RFPL1: variants seen among roughly 807,000 people sequenced by gnomAD.
The protein encoded by RFPL1 is ret finger protein like 1.
A neutral mutation model predicts 9.6 loss-of-function variants in RFPL1; 6 were observed. The ratio of observed to expected loss-of-function variants is 0.62; its 90% CI spans 0.34 to 1.23. The LOEUF (loss-of-function observed/expected upper bound fraction) is 1.23. Among genes scored for constraint, RFPL1 ranks in the 50% most tolerant of loss-of-function variants. The pLI is 0.03. For synonymous variants in RFPL1, 145 were observed against 149.4 expected, an observed-to-expected ratio of 0.97 and a Z score of 0.22; for missense variants, 352 against 398.4, an observed-to-expected ratio of 0.88 and a Z score of 0.99.
At chr22:29,418,335 T>C in the RFPL1 span, among the ~76,000 whole-genome samples, 41,527 of 151,918 alleles carry the variant, frequency 0.27, 7,867 homozygotes, top group African/African-American at 0.52. Context: ...CTGCTTTAGC[T>C]ATCGGGTGCG....
the RFPL1 span, among the ~76,000 whole-genome samples, chr22:29,428,333 T>TG: frequency 6.6e-6 from 1 of 152,138 alleles, no homozygotes; most frequent in Non-Finnish European, 1.5e-5. Flanking sequence ...TAAATATATA[T>TG]GCACCTAACT....
chr22:29,398,382 C>G, the RFPL1 span, among the ~76,000 whole-genome samples: 1 of 152,166 alleles, frequency 6.6e-6, no homozygotes, highest in East Asian at 1.9e-4. Context: ...TCACCATGTG[C>G]CAGACTCCAC....
chr22:29,439,377 T>A, intron 1 of RFPL1: 1 of 712,450 alleles, frequency 1.4e-6, no homozygotes, highest in Non-Finnish European at 2.3e-6. Flanking sequence ...CTCATGCCTG[T>A]AATGTCAGCA....
At chr22:29,410,250 A>C in the RFPL1 span, among the ~76,000 whole-genome samples, 1 of 136,496 alleles carries the variant, frequency 7.3e-6, no homozygotes, top group African/African-American at 2.7e-5. Flanking sequence ...TAGTAGATAT[A>C]TATTTGTAGA....
At chr22:29,432,390 C>T in the RFPL1 span, among the ~76,000 whole-genome samples, 1 of 152,164 alleles carries the variant, frequency 6.6e-6, no homozygotes, top group Non-Finnish European at 1.5e-5. Context: ...TGTTTGTTTT[C>T]CTGTAACCAT....
chr22:29,442,324 CT>C, exon 2 of RFPL1: 2 of 418,000 alleles, frequency 4.8e-6, no homozygotes, highest in Non-Finnish European at 8.5e-6. Context: ...CTCATTGAGT[CT>C]TATGGTTCAC....
chr22:29,441,359 CA>C (rs1262784833), intron 1 of RFPL1, 182 bp from the exon 2 acceptor site: 2 of 671,060 alleles, frequency 3.0e-6, no homozygotes, highest in African/African-American at 3.6e-5. Flanking sequence ...TGGGTATTGC[CA>C]CAAAGCATAC....
the RFPL1 span, among the ~76,000 whole-genome samples, chr22:29,397,847 C>T: frequency 6.6e-6 from 1 of 152,266 alleles, no homozygotes; most frequent in East Asian, 1.9e-4. Flanking sequence ...CTTCATGACA[C>T]CCAGACTCTC....
At chr22:29,399,030 T>A in the RFPL1 span, among the ~76,000 whole-genome samples, 1 of 152,226 alleles carries the variant, frequency 6.6e-6, no homozygotes, top group Non-Finnish European at 1.5e-5. Flanking sequence ...TTACAAAGTG[T>A]GTGTCACGTG....
upstream of RFPL1, chr22:29,437,553 A>C (rs1282441217): frequency 1.4e-6 from 2 of 1,480,342 alleles, no homozygotes; most frequent in African/African-American, 2.8e-5. Flanking sequence ...TCACCAGTAA[A>C]AACCTAATTC....
the RFPL1 span, among the ~76,000 whole-genome samples, chr22:29,400,185 A>T: frequency 6.6e-6 from 1 of 151,664 alleles, no homozygotes; most frequent in Non-Finnish European, 1.5e-5. Flanking sequence ...TTTAGTAGAG[A>T]CGGGGTTTCA....
chr22:29,429,093 T>C, the RFPL1 span, among the ~76,000 whole-genome samples: 2 of 152,134 alleles, frequency 1.3e-5, no homozygotes, highest in Non-Finnish European at 2.9e-5. Flanking sequence ...TCTCGCTCTG[T>C]CACCCAGTCT....
the RFPL1 span, among the ~76,000 whole-genome samples, chr22:29,432,783 T>C: frequency 6.6e-6 from 1 of 152,364 alleles, no homozygotes; most frequent in African/African-American, 2.4e-5. Context: ...ATGACTCTTC[T>C]TATATGTATT....
chr22:29,407,463 T>A, the RFPL1 span, among the ~76,000 whole-genome samples: 1 of 151,746 alleles, frequency 6.6e-6, no homozygotes, highest in African/African-American at 2.4e-5. Flanking sequence ...TATGATTACT[T>A]GCTTGTATGG....
intron 1 of RFPL1, 148 bp from the exon 2 acceptor site, chr22:29,441,394 G>T: frequency 1.1e-6 from 1 of 872,646 alleles, no homozygotes. Flanking sequence ...AACTAGTCAG[G>T]GAAGTTGCCT....
At chr22:29,431,872 T>C in the RFPL1 span, among the ~76,000 whole-genome samples, 1 of 152,156 alleles carries the variant, frequency 6.6e-6, no homozygotes, top group Admixed American at 6.5e-5. Context: ...TTTTGTATTT[T>C]TAGTAGAGAT....
upstream of RFPL1, among the ~76,000 whole-genome samples, chr22:29,435,312 A>C (rs2062803457): frequency 6.6e-6 from 1 of 152,090 alleles, no homozygotes; most frequent in Non-Finnish European, 1.5e-5. Flanking sequence ...TTGACATCAC[A>C]TCTCTTCTGC....
chr22:29,406,941 C>A, the RFPL1 span, among the ~76,000 whole-genome samples: 13 of 152,174 alleles, frequency 8.5e-5, no homozygotes, highest in Non-Finnish European at 1.9e-4. Flanking sequence ...TCATTCAGTG[C>A]TCCATATTAG....
At chr22:29,414,813 TG>T in the RFPL1 span, among the ~76,000 whole-genome samples, 1 of 151,652 alleles carries the variant, frequency 6.6e-6, no homozygotes, top group Non-Finnish European at 1.5e-5. Context: ...GCTACCTTTT[TG>T]CTTTTTTTTT....
Sources: gnomAD v4.1 joint callset for allele counts (sites outside exome capture counted in the v4.1 genomes callset) on GRCh38, gnomAD v4.1.1 for gene constraint, MANE v1.5 for transcripts, NCBI Gene and HGNC (gene_info 2026-07-23, HGNC 2026-07-21) for gene names.